Variants in NDUFA10 observed in about 807,000 individuals in gnomAD.
The protein encoded by NDUFA10 is NADH:ubiquinone oxidoreductase subunit A10, also known as NADH dehydrogenase [ubiquinone] 1 alpha subcomplex subunit 10, mitochondrial.
NDUFA10 carries 40 observed loss-of-function variants against 47.8 expected under a neutral mutation model. That is an observed-to-expected ratio of 0.84 (90% CI 0.65 to 1.09). The LOEUF (loss-of-function observed/expected upper bound fraction) is 1.09. NDUFA10 is among the 50% of genes least tolerant of loss of function. The probability of loss-of-function intolerance (pLI) is 0.00; values close to 1 mark genes in which losing one functional copy is unlikely to be tolerated. For missense variants in NDUFA10, 413 were observed against 451.1 expected (o/e 0.92, Z 0.76); for synonymous variants, 183 against 172.2 (o/e 1.06, Z -0.49).
intron 4 of NDUFA10, among the ~76,000 whole-genome samples, chr2:239,951,029 T>C (rs999878166): frequency 6.6e-6 from 1 of 152,042 alleles, no homozygotes; most frequent in African/African-American, 2.4e-5. Flanking sequence ...CTGGAAGGAG[T>C]GCAGAAGGGC....
In NDUFA10 at chr2:240,005,290, T is replaced by C. The variant is rs1397138466; in HGVS notation, c.810A>G (p.Val270=). The change falls in exon 8 of 10, where the codon GTA becomes GTG. Residue 270 remains valine, a synonymous_variant. Coordinates refer to ENST00000252711, the MANE Select transcript of NDUFA10 (RefSeq NM_004544.4). ...AREAQDSKKV[V]EDIEYLKFDK... ...CGAACTTCAGGTATTCAATGTCCTCTACCACCTAAGACAGGAAAAATTCCA... is the reference window on the plus strand; with the variant it reads ...CGAACTTCAGGTATTCAATGTCCTCCACCACCTAAGACAGGAAAAATTCCA... 2 of 1,613,456 alleles carry C rather than the reference T, an allele frequency of 1.2e-6. No homozygotes were observed. The highest frequency in any genetic ancestry group is 8.5e-7 in the Non-Finnish European group (1 of 1,179,498).
chr2:240,018,563 G>A lies in NDUFA10; in HGVS notation c.537C>T (p.Ile179=). 6.2e-7 allele frequency: 1 copy of A among 1,614,188 alleles called. No homozygotes were observed. The highest frequency in any genetic ancestry group is 1.3e-5 in the African/African-American group (1 of 75,040). Residue 179 remains isoleucine, a synonymous_variant, in exon 4 of 10, where the codon ATC becomes ATT. Transcript: ENST00000252711. ...GCAATGCTGACTCACACTGCTTTCG[G>A]ATGAATCCCTGGTTGTACATCGCCT... ...FLEAMYNQGF[I]RKQCVDHYNE...
chr2:239,937,222 T>C (rs1007207650), intron 4 of NDUFA10, among the ~76,000 whole-genome samples: 3 of 152,232 alleles, frequency 2.0e-5, no homozygotes, highest in Admixed American at 6.5e-5. Flanking sequence ...CACTGAGCCA[T>C]AGCTTCTATA....
At chr2:239,962,779 G>A (rs920561544) in intron 9 of NDUFA10, among the ~76,000 whole-genome samples, 5 of 152,190 alleles carry the variant, frequency 3.3e-5, no homozygotes, top group African/African-American at 9.7e-5. Flanking sequence ...GCAAAGCAGG[G>A]GCAGGTACGC....
chr2:239,921,473 T>G (rs549261322), intron 4 of NDUFA10, among the ~76,000 whole-genome samples: 1 of 152,274 alleles, frequency 6.6e-6, no homozygotes, highest in East Asian at 1.9e-4. Flanking sequence ...AGTGCCCTTT[T>G]TTCAATCTTC....
At chr2:240,018,305 T>C (rs1216383185) in intron 4 of NDUFA10, 2 of 1,130,540 alleles carry the variant, frequency 1.8e-6, no homozygotes, top group African/African-American at 3.1e-5. Flanking sequence ...GCTGCGTGTG[T>C]TTGAGGTCCA....
intron 4 of NDUFA10, among the ~76,000 whole-genome samples, chr2:240,015,273 C>T (rs114693854): frequency 7.3e-4 from 111 of 152,310 alleles, no homozygotes; most frequent in African/African-American, 2.5e-3. Flanking sequence ...TGAGGCAAGA[C>T]GTAGGTCACG....
rs187646464 is a variant in NDUFA10 at position 239,979,484 on chromosome 2, T to C, written c.999+10590A>G. ...GCACCTCTTCCCTGACTCCCTCTGC[T>C]GGAATCCTTCAGCAATAGTCTGCTT... On this transcript the variant is annotated intron_variant, in intron 9 of 9. Coordinates refer to ENST00000252711, the MANE Select transcript of NDUFA10 (RefSeq NM_004544.4). Among the ~76,000 whole-genome samples, 6 of 152,278 alleles carry C rather than the reference T, an allele frequency of 3.9e-5. No individual in the cohort carries two copies. The East Asian group carries it at 1.2e-3, about 29-fold the overall frequency.
At chr2:239,921,140 G>A (rs1350678476) in intron 4 of NDUFA10, among the ~76,000 whole-genome samples, 1 of 151,950 alleles carries the variant, frequency 6.6e-6, no homozygotes, top group Non-Finnish European at 1.5e-5. Context: ...GAAACTTTAG[G>A]GCAGGTCACA....
intron 9 of NDUFA10, among the ~76,000 whole-genome samples, chr2:239,983,937 T>C (rs1368509914): frequency 2.6e-5 from 4 of 152,154 alleles, no homozygotes; most frequent in Admixed American, 2.0e-4. Flanking sequence ...GTGTGGGCTT[T>C]AGTTAACAAT....
intron 9 of NDUFA10, among the ~76,000 whole-genome samples, chr2:239,979,631 G>A (rs1055590644): frequency 6.6e-6 from 1 of 152,084 alleles, no homozygotes; most frequent in African/African-American, 2.4e-5. Context: ...CCCGCCCATA[G>A]CACCAGCACT....
chr2:239,918,413 G>T (rs1418000275), intron 4 of NDUFA10, among the ~76,000 whole-genome samples: 1 of 151,742 alleles, frequency 6.6e-6, no homozygotes, highest in Non-Finnish European at 1.5e-5. Context: ...GCCCCCGCAC[G>T]CCAGGCCTGA....
At position 240,016,434 on chromosome 2, in the gene NDUFA10, T is replaced by C. The variant is rs1697351035; in HGVS notation, c.548-1574A>G. Among the ~76,000 whole-genome samples the C allele has an allele frequency of 6.6e-6, 1 of 152,178 alleles. No homozygotes were observed. The highest frequency in any genetic ancestry group is 2.1e-4 in the South Asian group (1 of 4,828). ...CCCACTTCTCAGGTGGTCCCCACCT[T>C]GCTCTATGCCACCTGTCCTTTAGCC... On this transcript the variant is annotated intron_variant, in intron 4 of 9. Coordinates refer to ENST00000252711, the MANE Select transcript of NDUFA10 (RefSeq NM_004544.4). This position sits in a 1 kb window ranked among gnomAD's most constrained non-coding sequence, Gnocchi z 4.4.
At chr2:239,993,136 C>T (rs925446429) in intron 8 of NDUFA10, among the ~76,000 whole-genome samples, 2 of 152,176 alleles carry the variant, frequency 1.3e-5, no homozygotes, top group Non-Finnish European at 2.9e-5. Flanking sequence ...GGGGGAATTA[C>T]AGGATCCTTC....
intron 4 of NDUFA10, among the ~76,000 whole-genome samples, chr2:239,937,934 A>G (rs1432376127): frequency 6.6e-6 from 1 of 152,140 alleles, no homozygotes; most frequent in African/African-American, 2.4e-5. Context: ...ACAGCACCCC[A>G]ATGTGCCACA....
intron 8 of NDUFA10, among the ~76,000 whole-genome samples, chr2:239,995,439 C>A (rs558057391): frequency 6.6e-6 from 1 of 152,188 alleles, no homozygotes; most frequent in African/African-American, 2.4e-5. Context: ...ACAGCAACCA[C>A]TACAAACATT....
At chr2:239,953,784 T>C (rs947662527), downstream of NDUFA10, among the ~76,000 whole-genome samples, 1 of 152,176 alleles carries the variant, frequency 6.6e-6, no homozygotes, top group Admixed American at 6.5e-5. Context: ...GCTGTGACCA[T>C]GTGGAGACAG....
chr2:239,959,024 T>A lies in NDUFA10; in HGVS notation c.*2094A>T. On this transcript the variant is annotated 3_prime_UTR_variant, in exon 10 of 10. Coordinates refer to ENST00000252711, the MANE Select transcript of NDUFA10 (RefSeq NM_004544.4). ...AAGGAAATCGGGGCATCTCCTCACC[T>A]CTTCTTGAGGCTTCTATGTGGAGAG... is the stretch of plus-strand genomic sequence containing the variant. The A allele has an allele frequency of 2.0e-6, 2 of 985,450 alleles. No homozygotes were observed. The highest frequency in any genetic ancestry group is 2.4e-6 in the Non-Finnish European group (2 of 829,936). The allele number at this position is 985,450 out of a possible 1,614,324, so 61.0% of individuals were successfully genotyped here.
At chr2:239,942,493 T>C (rs920888732) in intron 4 of NDUFA10, among the ~76,000 whole-genome samples, 1 of 152,248 alleles carries the variant, frequency 6.6e-6, no homozygotes, top group Non-Finnish European at 1.5e-5. Context: ...TCTGACACTG[T>C]TTCGGTTCTG....
Sources: allele counts gnomAD v4.1 joint callset (sites outside exome capture counted in the v4.1 genomes callset), GRCh38; gene constraint gnomAD v4.1.1; non-coding constraint Gnocchi (gnomAD v3.1); transcripts MANE v1.5; gene names NCBI Gene and HGNC (gene_info 2026-07-23, HGNC 2026-07-21).